The following HMGB1 variants were observed in gnomAD, a reference collection of about 807,000 sequenced individuals.
The protein encoded by HMGB1 is high mobility group protein B1.
For missense variants in HMGB1, 79 were observed against 253.5 expected (o/e 0.31, Z 4.67); for synonymous variants, 81 against 84.0 (o/e 0.96, Z 0.19).
At chr13:30,588,888 G>T (rs560931000) in intron 1 of HMGB1, among the ~76,000 whole-genome samples, 1 of 151,994 alleles carries the variant, frequency 6.6e-6, no homozygotes, top group East Asian at 1.9e-4. Context: ...CTGCACTCCA[G>T]CCTGGGTGAC....
At chr13:30,612,337 G>C (rs1186010775) in intron 1 of HMGB1, among the ~76,000 whole-genome samples, 4 of 151,996 alleles carry the variant, frequency 2.6e-5, no homozygotes, top group African/African-American at 9.7e-5. Flanking sequence ...TGGACAGCTT[G>C]ACACAAGACA....
chr13:30,526,955 A>G (rs1421709151), intron 1 of HMGB1, among the ~76,000 whole-genome samples: 3 of 152,238 alleles, frequency 2.0e-5, no homozygotes, highest in Non-Finnish European at 4.4e-5. Flanking sequence ...TCCTAACCGC[A>G]GTGTTTTCCA....
At chr13:30,530,375 G>A (rs1329719395) in intron 1 of HMGB1, among the ~76,000 whole-genome samples, 2 of 152,170 alleles carry the variant, frequency 1.3e-5, no homozygotes, top group East Asian at 3.8e-4. Flanking sequence ...GTCTGGTCCT[G>A]AGCATTTTGT....
At chr13:30,509,061 A>G (rs997461727) in intron 1 of HMGB1, among the ~76,000 whole-genome samples, 7 of 151,992 alleles carry the variant, frequency 4.6e-5, no homozygotes, top group African/African-American at 1.7e-4. Context: ...CAGCTGCTGG[A>G]GCAGCTGGAA....
chr13:30,581,170 C>G (rs887339648), intron 1 of HMGB1, among the ~76,000 whole-genome samples: 1 of 152,132 alleles, frequency 6.6e-6, no homozygotes, highest in African/African-American at 2.4e-5. Context: ...AGAATTTTAA[C>G]AAACAAATGA....
intron 1 of HMGB1, among the ~76,000 whole-genome samples, chr13:30,537,947 A>G (rs1317886930): frequency 6.6e-6 from 1 of 151,966 alleles, no homozygotes; most frequent in Non-Finnish European, 1.5e-5. Flanking sequence ...TTAACACAAC[A>G]TCAAGTTTCC....
chr13:30,479,304 A>C (rs1322945128), intron 1 of HMGB1, among the ~76,000 whole-genome samples: 1 of 152,144 alleles, frequency 6.6e-6, no homozygotes, highest in Non-Finnish European at 1.5e-5. Context: ...AAACACTGTC[A>C]TTATGTAAAT....
At chr13:30,528,837 G>A (rs989948512) in intron 1 of HMGB1, among the ~76,000 whole-genome samples, 11 of 151,926 alleles carry the variant, frequency 7.2e-5, no homozygotes, top group African/African-American at 2.7e-4. Flanking sequence ...GACCATCCTG[G>A]CTAACACGGT....
At chr13:30,525,499 C>G (rs1411299143) in intron 1 of HMGB1, among the ~76,000 whole-genome samples, 1 of 152,128 alleles carries the variant, frequency 6.6e-6, no homozygotes, top group East Asian at 1.9e-4. Context: ...CTCTTTAGCC[C>G]AGTTGTTTTG....
At position 30,459,431 on chromosome 13, in the gene HMGB1, GAATT is replaced by G. The variant is rs1886165419; in HGVS notation, c.*1922_*1925del. On this transcript the variant is annotated 3_prime_UTR_variant, in exon 5 of 5. Transcript: ENST00000341423. ...GCCAGAATTCATTTTAAATGGATCAGAATTATTAATGTTGGTGATTAATGGTGAT... is the reference window on the plus strand; with the variant it reads ...GCCAGAATTCATTTTAAATGGATCAGATTAATGTTGGTGATTAATGGTGAT... The G allele has an allele frequency of 2.0e-5, 3 of 152,132 alleles. No individual in the cohort carries two copies. The highest frequency in any genetic ancestry group is 6.5e-5 in the Admixed American group (1 of 15,278). 9.4% of individuals were successfully genotyped at this position (152,132 alleles called of 1,614,324 possible).
chr13:30,498,860 C>G (rs760034861), intron 1 of HMGB1, among the ~76,000 whole-genome samples: 7 of 151,568 alleles, frequency 4.6e-5, no homozygotes, highest in Non-Finnish European at 1.0e-4. Context: ...GTTGGCCAGA[C>G]TGGTCTTGAA....
intron 1 of HMGB1, among the ~76,000 whole-genome samples, chr13:30,471,799 G>A (rs1369073689): frequency 4.0e-5 from 6 of 150,544 alleles, no homozygotes; most frequent in African/African-American, 1.5e-4. Context: ...CTCCAGAGTA[G>A]CTGGGATTAC....
intron 1 of HMGB1, among the ~76,000 whole-genome samples, chr13:30,558,844 C>G (rs182250217): frequency 6.6e-5 from 10 of 152,272 alleles, no homozygotes; most frequent in Non-Finnish European, 1.2e-4. Flanking sequence ...GAATCAGAAA[C>G]TCTGGGAGTA....
intron 1 of HMGB1, among the ~76,000 whole-genome samples, chr13:30,575,108 G>A (rs1324684146): frequency 6.6e-5 from 10 of 152,038 alleles, no homozygotes; most frequent in African/African-American, 2.4e-4. Flanking sequence ...AAGTGTCAGC[G>A]TATACATTTT....
chr13:30,533,702 T>C (rs530371228), intron 1 of HMGB1, among the ~76,000 whole-genome samples: 1 of 152,150 alleles, frequency 6.6e-6, no homozygotes, highest in South Asian at 2.1e-4. Flanking sequence ...AAGACCAATA[T>C]TTGCCTTGTG....
chr13:30,520,235 T>G (rs1888206281), intron 1 of HMGB1, among the ~76,000 whole-genome samples: 1 of 152,046 alleles, frequency 6.6e-6, no homozygotes. Context: ...GGCACGAGAA[T>G]CACTTGAACC....
intron 1 of HMGB1, among the ~76,000 whole-genome samples, chr13:30,588,132 G>T (rs1871230849): frequency 6.6e-6 from 1 of 152,002 alleles, no homozygotes; most frequent in African/African-American, 2.4e-5. Flanking sequence ...TGCCAAAGAG[G>T]AAATAAAGAG....
chr13:30,584,061 A>AAG lies in HMGB1; in HGVS notation c.-15+32608_-15+32609dup, dbSNP rs369284323. Among the ~76,000 whole-genome samples the AAG allele has an allele frequency of 7.3e-3, 1,092 of 149,770 alleles. 9 individuals carry two copies. Among genetic ancestry groups the AAG allele is most frequent in the African/African-American group, 0.016 (640 of 41,004 alleles). On this transcript the variant is annotated intron_variant, in intron 1 of 4. Coordinates refer to the HMGB1 transcript ENST00000405805. The stretch of plus-strand genomic sequence containing the variant: ...CAAAAAGAAAGAAGGAAAGGAAAAG[A>AAG]AGAGAGAGAGAGAGAGAGGAAGAAA...
At chr13:30,465,232 G>A in intron 1 of HMGB1, 1 of 349,342 alleles carries the variant, frequency 2.9e-6, no homozygotes, top group Non-Finnish European at 3.9e-6. Flanking sequence ...GGCCGGCCGG[G>A]CCCGCACTGC....
Sources: allele counts gnomAD v4.1 joint callset (sites outside exome capture counted in the v4.1 genomes callset), GRCh38; gene constraint gnomAD v4.1.1; transcripts MANE v1.5; gene names NCBI Gene and HGNC (gene_info 2026-07-23, HGNC 2026-07-21).